The following PKNOX2 variants were observed in gnomAD, a reference collection of about 807,000 sequenced individuals.
PKNOX2 encodes the protein homeobox protein PKNOX2.
In PKNOX2, 14 loss-of-function variants were observed where a neutral mutation model predicts 53.1. That is an observed-to-expected ratio of 0.26 (90% CI 0.17 to 0.41). PKNOX2 has a LOEUF of 0.41. Among genes scored for constraint, PKNOX2 ranks in the 10% least tolerant of loss-of-function variants. PKNOX2 has a pLI of 1.00. For missense variants in PKNOX2, 496 were observed against 602.8 expected, an observed-to-expected ratio of 0.82 and a Z score of 1.85; for synonymous variants, 257 against 242.8, an observed-to-expected ratio of 1.06 and a Z score of -0.54.
At chr11:125,233,534 T>A (rs761566116) in intron 1 of PKNOX2, among the ~76,000 whole-genome samples, 1 of 152,340 alleles carries the variant, frequency 6.6e-6, no homozygotes, top group Non-Finnish European at 1.5e-5. Flanking sequence ...GGCACTCTGC[T>A]AGGTTCTGGG....
At chr11:125,388,553 G>T (rs1025456883) in intron 6 of PKNOX2, among the ~76,000 whole-genome samples, 1 of 152,028 alleles carries the variant, frequency 6.6e-6, no homozygotes, top group East Asian at 1.9e-4. Context: ...GGGCACTTGG[G>T]TCCCCAAAAA....
At chr11:125,235,935 C>T (rs373816149) in intron 2 of PKNOX2, among the ~76,000 whole-genome samples, 2 of 152,194 alleles carry the variant, frequency 1.3e-5, no homozygotes, top group African/African-American at 2.4e-5. Context: ...TAAGTGTTAC[C>T]TGGATGACTG....
rs965818042 is a variant in PKNOX2 at position 125,432,223 on chromosome 11, C to T, written c.*831C>T. On this transcript the variant is annotated 3_prime_UTR_variant, in exon 13 of 13. Transcript: ENST00000298282. ...CAGCTGTCCCTAGGTGATCACAGAACTTAGCTCCTTTAACAACAGGACAAT... is the reference window on the plus strand; with the variant it reads ...CAGCTGTCCCTAGGTGATCACAGAATTTAGCTCCTTTAACAACAGGACAAT... The T allele has an allele frequency of 3.3e-5, 5 of 151,340 alleles. No individual in the cohort carries two copies. The highest frequency in any genetic ancestry group is 7.3e-5 in the African/African-American group (3 of 41,354). The allele number at this position is 151,340 out of a possible 1,614,324, so 9.4% of individuals were successfully genotyped here. A position where few individuals can be genotyped will look rare whatever the true frequency, so the allele number is the denominator to read the frequency against.
chr11:125,350,840 G>A (rs1951263490), intron 3 of PKNOX2, among the ~76,000 whole-genome samples: 1 of 152,114 alleles, frequency 6.6e-6, no homozygotes. Context: ...TGTGCGCGCT[G>A]TGGCTGCTCC....
chr11:125,309,302 A>G (rs369950721), intron 2 of PKNOX2, among the ~76,000 whole-genome samples: 1 of 148,486 alleles, frequency 6.7e-6, no homozygotes, highest in East Asian at 2.0e-4. Flanking sequence ...TCATTCCAAC[A>G]TCCCTTTATT....
chr11:125,301,982 A>T (rs1369464577), intron 2 of PKNOX2, among the ~76,000 whole-genome samples: 3 of 152,230 alleles, frequency 2.0e-5, no homozygotes, highest in African/African-American at 7.2e-5. Context: ...AGTGTGTGTT[A>T]GCGAGAGCAT....
Position 125,323,152 on chromosome 11 carries a change from G to A in PKNOX2, c.-129-8667G>A, listed in dbSNP as rs547093840. 1.2e-4 allele frequency among the ~76,000 whole-genome samples: 19 copies of A among 152,070 alleles called. No homozygotes were observed. The East Asian group carries it at 1.7e-3, about 14-fold the overall frequency. On this transcript the variant is annotated intron_variant, in intron 2 of 12. Coordinates refer to ENST00000298282, the MANE Select transcript of PKNOX2 (RefSeq NM_001382323.2). ...GGCCAGGTATCTTGGCTCCCAGTGC[G>A]TTTCCAGCATCCGTGAGTTTCTCGG...
intron 12 of PKNOX2, 104 bp downstream of exon 12, chr11:125,430,245 G>T: frequency 1.5e-6 from 2 of 1,306,398 alleles, no homozygotes; most frequent in East Asian, 2.5e-5. Context: ...CCTTACCTGG[G>T]CTCCCATCGC....
chr11:125,231,990 T>C (rs1677460693), intron 1 of PKNOX2, among the ~76,000 whole-genome samples: 1 of 152,224 alleles, frequency 6.6e-6, no homozygotes, highest in Admixed American at 6.5e-5. Flanking sequence ...TGCACGATTC[T>C]CCTCTCAGTG....
intron 5 of PKNOX2, among the ~76,000 whole-genome samples, chr11:125,374,778 C>T (rs201307478): frequency 6.6e-6 from 1 of 152,200 alleles, no homozygotes; most frequent in Non-Finnish European, 1.5e-5. Flanking sequence ...TGTTAGGATT[C>T]AATGAGATAA....
chr11:125,209,500 T>C (rs1214093744), intron 1 of PKNOX2, among the ~76,000 whole-genome samples: 2 of 151,842 alleles, frequency 1.3e-5, no homozygotes, highest in African/African-American at 4.8e-5. Flanking sequence ...AGGGTTCTGC[T>C]TTTGGGGTAG....
At chr11:125,225,564 C>A (rs911736153) in intron 1 of PKNOX2, among the ~76,000 whole-genome samples, 3 of 152,212 alleles carry the variant, frequency 2.0e-5, no homozygotes, top group African/African-American at 4.8e-5. Flanking sequence ...CCAGCTCCCC[C>A]ACCCACTGCC....
At chr11:125,213,986 G>T (rs1940193679) in intron 1 of PKNOX2, among the ~76,000 whole-genome samples, 1 of 152,066 alleles carries the variant, frequency 6.6e-6, no homozygotes. Context: ...TGCCCGGCTT[G>T]GCCTTTTGGC....
intron 1 of PKNOX2, among the ~76,000 whole-genome samples, chr11:125,194,279 C>T (rs913491814): frequency 1.3e-5 from 2 of 152,208 alleles, no homozygotes; most frequent in Non-Finnish European, 2.9e-5. Flanking sequence ...ATCCCCTTCC[C>T]CACCCCAGGC....
chr11:125,172,993 G>A (rs1380148905), intron 1 of PKNOX2, among the ~76,000 whole-genome samples: 5 of 152,214 alleles, frequency 3.3e-5, no homozygotes, highest in Admixed American at 2.0e-4. Flanking sequence ...TTGAGACAGC[G>A]TGGGGCTAGG....
At chr11:125,405,705 C>A (rs927591658) in intron 7 of PKNOX2, among the ~76,000 whole-genome samples, 13 of 152,326 alleles carry the variant, frequency 8.5e-5, no homozygotes, top group African/African-American at 2.9e-4. Flanking sequence ...GGCACCAGTT[C>A]TCTGCCATTC....
intron 1 of PKNOX2, chr11:125,184,420 T>C (rs1042188622): frequency 1.3e-5 from 2 of 152,236 alleles, no homozygotes; most frequent in South Asian, 4.1e-4. Context: ...CCCATCTGCA[T>C]CCAAACTTTT....
intron 10 of PKNOX2, among the ~76,000 whole-genome samples, chr11:125,417,571 G>A (rs1040726224): frequency 1.3e-5 from 2 of 152,010 alleles, no homozygotes; most frequent in Admixed American, 1.3e-4. Context: ...TGGATGACAG[G>A]TGGCACAGGA....
intron 2 of PKNOX2, among the ~76,000 whole-genome samples, chr11:125,308,818 C>T (rs1031601020): frequency 6.6e-6 from 1 of 152,206 alleles, no homozygotes; most frequent in Non-Finnish European, 1.5e-5. Flanking sequence ...GGAAATTGGT[C>T]TCTCTGTCCC....
Sources: gnomAD v4.1 joint callset for allele counts (sites outside exome capture counted in the v4.1 genomes callset) on GRCh38, gnomAD v4.1.1 for gene constraint, MANE v1.5 for transcripts, NCBI Gene and HGNC (gene_info 2026-07-23, HGNC 2026-07-21) for gene names.